Variants in PDE4C observed in about 807,000 individuals in gnomAD.
PDE4C encodes phosphodiesterase 4C.
A neutral mutation model predicts 63.9 loss-of-function variants in PDE4C; 50 were observed. The observed-to-expected ratio is 0.78, with a 90% CI of 0.62 to 0.99. PDE4C has a LOEUF of 0.99. Ranked by LOEUF, PDE4C falls within the 50% of genes least tolerant of loss-of-function variation. The probability of loss-of-function intolerance (pLI) is 0.00; values close to 1 mark genes in which losing one functional copy is unlikely to be tolerated. For missense variants in PDE4C, 777 were observed against 899.1 expected (o/e 0.86, Z 1.74); for synonymous variants, 377 against 385.1 (o/e 0.98, Z 0.25).
chr19:18,238,172 C>T (rs1347034414), upstream of PDE4C, among the ~76,000 whole-genome samples: 1 of 151,606 alleles, frequency 6.6e-6, no homozygotes, highest in African/African-American at 2.4e-5. Flanking sequence ...CTGTAGTGAG[C>T]CAAGATCATG....
rs748870873 is a variant in PDE4C at position 18,242,475 on chromosome 19, CAAAAAAAA to C, written c.-210+5688_-210+5695del. On this transcript the variant is annotated intron_variant, in intron 1 of 15. Transcript: ENST00000594617. ...TGGGCAACAAAGGGAGACTCCATCT[CAAAAAAAA>C]AAAAAAAAAAAAAAAAAGCCAGGCA... Among the ~76,000 whole-genome samples the C allele has an allele frequency of 2.7e-4, 8 of 29,814 alleles. 1 individual carries two copies. The highest frequency in any genetic ancestry group is 1.2e-3 in the Admixed American group (2 of 1,670). The allele number at this position is 29,814 out of a possible 152,430, so 19.6% of individuals were successfully genotyped here. A position where few individuals can be genotyped will look rare whatever the true frequency, so the allele number is the denominator to read the frequency against.
At chr19:18,227,474 G>A (rs747489940), upstream of PDE4C, among the ~76,000 whole-genome samples, 2 of 152,058 alleles carry the variant, frequency 1.3e-5, no homozygotes, top group Admixed American at 6.6e-5. Context: ...AACCTCAGCC[G>A]CCCACCCCTG....
intron 1 of PDE4C, among the ~76,000 whole-genome samples, chr19:18,245,495 C>A (rs1453625034): frequency 1.3e-5 from 2 of 152,096 alleles, no homozygotes; most frequent in African/African-American, 4.8e-5. Flanking sequence ...TGCCTCGGGG[C>A]CTTTGCATGT....
chr19:18,212,011 C>T, intron 13 of PDE4C, 70 bp from the exon 14 acceptor site: 1 of 1,498,946 alleles, frequency 6.7e-7, no homozygotes, highest in Non-Finnish European at 9.2e-7. Flanking sequence ...CCTCCACAGA[C>T]AGGCTTGGTG....
Position 18,220,398 on chromosome 19 carries a change from C to T in PDE4C, c.612+5G>A, listed in dbSNP as rs1300071260. On this transcript the variant is annotated splice_donor_5th_base_variant and intron_variant, in intron 6 of 14. Transcript: ENST00000262805. The surrounding 1 kb of genome is among the most constrained non-coding windows in gnomAD (Gnocchi z 5.1). ...AGGTGAGCTCAGCGATCTGCCCCAC[C>T]TCACCTTGTTGGAGGCCATCTCCCC... 5.0e-6 allele frequency: 8 copies of T among 1,613,774 alleles called. No homozygotes were observed. The highest frequency in any genetic ancestry group is 6.8e-6 in the Non-Finnish European group (8 of 1,179,774).
intron 1 of PDE4C, chr19:18,248,089 G>A (rs1278087909): frequency 1.8e-5 from 8 of 440,370 alleles, no homozygotes; most frequent in East Asian, 1.4e-4. Context: ...GGGGGATTAC[G>A]AGACCCCAGC....
chr19:18,232,376 TGTGTG>T (rs1568264510), intron 1 of PDE4C, among the ~76,000 whole-genome samples: 16,210 of 149,360 alleles, frequency 0.11, 1,007 homozygotes, highest in Non-Finnish European at 0.14. Flanking sequence ...AATAAAAACG[TGTGTG>T]TGTGTGTGTG....
upstream of PDE4C, among the ~76,000 whole-genome samples, chr19:18,236,070 G>A (rs965472547): frequency 6.6e-6 from 1 of 151,372 alleles, no homozygotes; most frequent in African/African-American, 2.4e-5. Flanking sequence ...AGCCTCCTGA[G>A]TAGCTGGGAC....
In PDE4C at chr19:18,222,117, C is replaced by G; in HGVS notation, c.338+15G>C. 1.9e-6 allele frequency: 3 copies of G among 1,597,334 alleles called. No individual in the cohort carries two copies. The highest frequency in any genetic ancestry group is 1.3e-5 in the African/African-American group (1 of 74,774). On this transcript the variant is annotated intron_variant, in intron 2 of 14. Coordinates refer to ENST00000262805, the Ensembl canonical transcript of PDE4C. ...GAGGGTAGAGGCGGTGTCATCCCAC[C>G]AGCCCCAGACTCACAGGTCGCTGGC...
chr19:18,221,442 C>G (rs1013317657), intron 2 of PDE4C, 145 bp from the exon 3 acceptor site: 19 of 705,530 alleles, frequency 2.7e-5, no homozygotes, highest in Non-Finnish European at 4.2e-5. Context: ...TCATGCGACT[C>G]TCCCTGAGAC....
At chr19:18,235,759 A>G (rs1022560364), upstream of PDE4C, among the ~76,000 whole-genome samples, 1 of 151,656 alleles carries the variant, frequency 6.6e-6, no homozygotes, top group Non-Finnish European at 1.5e-5. Context: ...GCTCCTGCCT[A>G]CTTCCCGGGG....
chr19:18,240,970 G>A (rs761604417), intron 1 of PDE4C, among the ~76,000 whole-genome samples: 1 of 152,204 alleles, frequency 6.6e-6, no homozygotes, highest in African/African-American at 2.4e-5. Flanking sequence ...GAGTCACACA[G>A]CTGGGGGCTT....
chr19:18,219,600 G>C, intron 7 of PDE4C: 2 of 584,676 alleles, frequency 3.4e-6, no homozygotes, highest in South Asian at 2.2e-5. Flanking sequence ...GAGGTGGGCA[G>C]ATCACTTGAG....
intron 7 of PDE4C, chr19:18,219,684 T>G: frequency 6.1e-6 from 2 of 326,596 alleles, no homozygotes; most frequent in Non-Finnish European, 1.1e-5. Context: ...ATTAGTCACG[T>G]ATGGTGGCAG....
intron 1 of PDE4C, among the ~76,000 whole-genome samples, chr19:18,232,650 A>G (rs1200872101): frequency 6.6e-6 from 1 of 152,042 alleles, no homozygotes; most frequent in East Asian, 1.9e-4. Flanking sequence ...ATGAACGTAC[A>G]GGAGCACCCC....
At chr19:18,213,458 G>A in exon 13 of PDE4C, 1 of 1,613,428 alleles carries the variant, frequency 6.2e-7, no homozygotes. Context: ...CGGCCAGGAG[G>A]TTCATGTGTT....
At chr19:18,222,676 TC>T (rs1568671512) in intron 1 of PDE4C, among the ~76,000 whole-genome samples, 17 of 93,264 alleles carry the variant, frequency 1.8e-4, no homozygotes, top group Non-Finnish European at 3.8e-4. Context: ...TCTCTCTCTC[TC>T]TCTCTCTCTC....
chr19:18,246,721 G>A (rs1339701600), intron 1 of PDE4C, among the ~76,000 whole-genome samples: 1 of 151,924 alleles, frequency 6.6e-6, no homozygotes, highest in Non-Finnish European at 1.5e-5. Context: ...TAAGATCAGG[G>A]GTTCAAGACC....
At chr19:18,225,155 G>A (rs1968672744) in intron 1 of PDE4C, among the ~76,000 whole-genome samples, 1 of 152,150 alleles carries the variant, frequency 6.6e-6, no homozygotes, top group South Asian at 2.1e-4. Flanking sequence ...GACGCGGGCG[G>A]TGCGGGGGTA....
Sources: gnomAD v4.1 joint callset for allele counts (sites outside exome capture counted in the v4.1 genomes callset) on GRCh38, gnomAD v4.1.1 for gene constraint, Gnocchi (gnomAD v3.1) non-coding constraint, MANE v1.5 for transcripts, NCBI Gene and HGNC (gene_info 2026-07-23, HGNC 2026-07-21) for gene names.